Variants in PARD3B observed in about 807,000 individuals in gnomAD.
PARD3B encodes partitioning defective 3 homolog B.
PARD3B carries 103 observed loss-of-function variants against 130.2 expected under a neutral mutation model. That is an observed-to-expected ratio of 0.79 (90% CI 0.67 to 0.93). The LOEUF is 0.93. Among genes scored for constraint, PARD3B ranks in the 40% least tolerant of loss-of-function variants. The pLI is 0.00. For synonymous variants in PARD3B, 583 were observed against 553.2 expected, an observed-to-expected ratio of 1.05 and a Z score of -0.76; for missense variants, 1,609 against 1,499.2, an observed-to-expected ratio of 1.07 and a Z score of -1.21.
rs562968550 is a variant in PARD3B at position 205,176,016 on chromosome 2, T to C, written c.1792-429T>C. On this transcript the variant is annotated intron_variant, in intron 12 of 22. Transcript: ENST00000406610. This position sits in a 1 kb window ranked among gnomAD's most constrained non-coding sequence, Gnocchi z 5.3. ...GTGGTATTTCAGAGGCGAACCTGCT[T>C]GAATTCTGACTTGTCCTAGAGCATA... Among the ~76,000 whole-genome samples the C allele has an allele frequency of 6.6e-6, 1 of 152,266 alleles. No homozygotes were observed. Among genetic ancestry groups the C allele is most frequent in the African/African-American group, 2.4e-5 (1 of 41,564 alleles).
chr2:205,232,490 C>G (rs2038891297), intron 15 of PARD3B, among the ~76,000 whole-genome samples: 1 of 151,666 alleles, frequency 6.6e-6, no homozygotes, highest in African/African-American at 2.4e-5. Context: ...ATATATGACA[C>G]AAAAAGGTAA....
intron 21 of PARD3B, among the ~76,000 whole-genome samples, chr2:205,533,586 A>T (rs900816533): frequency 6.6e-6 from 1 of 152,206 alleles, no homozygotes; most frequent in Admixed American, 6.5e-5. Context: ...TCGAGTTTAA[A>T]CATCAGTAAC....
chr2:205,591,297 A>C lies in PARD3B; in HGVS notation c.3261-24159A>C, dbSNP rs1242486114. Among the ~76,000 whole-genome samples the C allele has an allele frequency of 6.6e-6, 1 of 152,214 alleles. No individual in the cohort carries two copies. Among genetic ancestry groups the C allele is most frequent in the Admixed American group, 6.5e-5 (1 of 15,278 alleles). Reference sequence around the variant, plus strand: ...TGGGAAAGTGGTAATAACTTGCTTCATTTCCATCTGGAGGAAGCAGATTTT... The same window carrying C: ...TGGGAAAGTGGTAATAACTTGCTTCCTTTCCATCTGGAGGAAGCAGATTTT... On this transcript the variant is annotated intron_variant, in intron 22 of 22. Transcript: ENST00000406610. This position sits in a 1 kb window ranked among gnomAD's most constrained non-coding sequence, Gnocchi z 4.2.
At position 205,300,424 on chromosome 2, in the gene PARD3B, A is replaced by T; in HGVS notation, c.2186-106A>T. ...GTATAACCCCAACTCCCACCCACTT[A>T]ACACCCCTTTTTTGGGATGTCCAGA... On this transcript the variant is annotated intron_variant, in intron 16 of 22. Coordinates refer to ENST00000406610, the MANE Select transcript of PARD3B (RefSeq NM_001302769.2). This position sits in a 1 kb window ranked among gnomAD's most constrained non-coding sequence, Gnocchi z 4.1. 9.3e-7 allele frequency: 1 copy of T among 1,074,900 alleles called. No individual in the cohort carries two copies. Among genetic ancestry groups the T allele is most frequent in the Non-Finnish European group, 1.4e-6 (1 of 717,112 alleles). 66.6% of individuals were successfully genotyped at this position (1,074,900 alleles called of 1,614,324 possible).
intron 22 of PARD3B, among the ~76,000 whole-genome samples, chr2:205,560,706 C>A (rs1188844802): frequency 6.6e-6 from 1 of 152,124 alleles, no homozygotes; most frequent in African/African-American, 2.4e-5. Flanking sequence ...TTCTGTAATC[C>A]ATGTTACATA....
intron 15 of PARD3B, among the ~76,000 whole-genome samples, chr2:205,216,413 T>G (rs2037913584): frequency 6.6e-6 from 1 of 152,204 alleles, no homozygotes; most frequent in Admixed American, 6.5e-5. Flanking sequence ...AATATTGACT[T>G]TCTCTTAGTG....
chr2:205,087,400 C>T (rs1398750048), intron 4 of PARD3B, among the ~76,000 whole-genome samples: 1 of 152,118 alleles, frequency 6.6e-6, no homozygotes, highest in East Asian at 1.9e-4. Context: ...GGTCCTTAGG[C>T]TTAAGTGGGT....
chr2:205,379,344 G>A (rs1485236944), intron 18 of PARD3B, among the ~76,000 whole-genome samples: 2 of 152,046 alleles, frequency 1.3e-5, no homozygotes, highest in South Asian at 2.1e-4. Context: ...CATGGGATTG[G>A]CCTCCAGTGA....
Position 204,818,859 on chromosome 2 carries a change from A to G in PARD3B, c.222+132577A>G, listed in dbSNP as rs2043234465. On this transcript the variant is annotated intron_variant, in intron 2 of 22. Transcript: ENST00000406610. ...ATGTATTATAGGTGTGGATTGAACT[A>G]TTAAATGGAAGATCAAACACTTTTT... is the stretch of plus-strand genomic sequence containing the variant. Among the ~76,000 whole-genome samples, 3 of 152,330 alleles carry G rather than the reference A, an allele frequency of 2.0e-5. No individual in the cohort carries two copies. In the South Asian group the frequency reaches 6.2e-4, roughly 32 times the overall value.
intron 2 of PARD3B, among the ~76,000 whole-genome samples, chr2:204,941,259 G>A (rs527928204): frequency 1.4e-4 from 21 of 152,172 alleles, no homozygotes; most frequent in South Asian, 1.0e-3. Context: ...CCATAGTCCC[G>A]GCTATTCAGG....
intron 2 of PARD3B, among the ~76,000 whole-genome samples, chr2:204,872,125 ATT>A (rs2045652185): frequency 6.6e-6 from 1 of 152,098 alleles, no homozygotes; most frequent in Admixed American, 6.6e-5. Context: ...AAATATAATT[ATT>A]TTTGTTTTGT....
intron 22 of PARD3B, among the ~76,000 whole-genome samples, chr2:205,612,837 G>A (rs2055283423): frequency 6.6e-6 from 1 of 152,162 alleles, no homozygotes; most frequent in African/African-American, 2.4e-5. Flanking sequence ...GTATCTTGAG[G>A]TCTGCCCTAT....
chr2:204,592,085 C>A (rs545272044), intron 1 of PARD3B, among the ~76,000 whole-genome samples: 1 of 152,266 alleles, frequency 6.6e-6, no homozygotes, highest in Non-Finnish European at 1.5e-5. Flanking sequence ...GCAATGCAGA[C>A]CTGCCCGGAG....
intron 20 of PARD3B, among the ~76,000 whole-genome samples, chr2:205,455,806 G>A (rs761127542): frequency 1.3e-5 from 2 of 152,026 alleles, no homozygotes; most frequent in Non-Finnish European, 2.9e-5. Flanking sequence ...CCAGGAATTT[G>A]ACATTGGTAC....
intron 2 of PARD3B, among the ~76,000 whole-genome samples, chr2:204,962,405 C>T (rs1650780424): frequency 6.6e-6 from 1 of 152,056 alleles, no homozygotes; most frequent in Non-Finnish European, 1.5e-5. Context: ...TAAGCGAAAC[C>T]TTAACACAAA....
chr2:205,219,585 T>C (rs558989683), intron 15 of PARD3B, among the ~76,000 whole-genome samples: 117 of 108,848 alleles, frequency 1.1e-3, no homozygotes, highest in Non-Finnish European at 2.0e-3. Flanking sequence ...ATAGCACTTA[T>C]TGTAGCCAAG....
intron 3 of PARD3B, among the ~76,000 whole-genome samples, chr2:204,966,847 A>G (rs1157562597): frequency 6.6e-6 from 1 of 152,200 alleles, no homozygotes; most frequent in Non-Finnish European, 1.5e-5. Context: ...AGTACACACC[A>G]TCTAAATCCC....
intron 4 of PARD3B, among the ~76,000 whole-genome samples, chr2:205,080,437 C>T (rs185880898): frequency 1.2e-4 from 18 of 152,152 alleles, no homozygotes; most frequent in Admixed American, 7.2e-4. Context: ...CCCACCCTGG[C>T]CAATATTTCT....
intron 1 of PARD3B, among the ~76,000 whole-genome samples, chr2:204,647,068 C>A (rs2035300281): frequency 6.6e-6 from 1 of 151,826 alleles, no homozygotes; most frequent in African/African-American, 2.4e-5. Context: ...GCTTTTACAC[C>A]ATCGTAAAGT....
Sources: gnomAD v4.1 joint callset for allele counts (sites outside exome capture counted in the v4.1 genomes callset) on GRCh38, gnomAD v4.1.1 for gene constraint, Gnocchi (gnomAD v3.1) non-coding constraint, MANE v1.5 for transcripts, NCBI Gene and HGNC (gene_info 2026-07-23, HGNC 2026-07-21) for gene names.